POLR3B: variants seen among roughly 807,000 people sequenced by gnomAD.
The protein encoded by POLR3B is DNA-directed RNA polymerase III subunit RPC2.
POLR3B carries 96 observed loss-of-function variants against 147.4 expected under a neutral mutation model. That is an observed-to-expected ratio of 0.65 (90% CI 0.55 to 0.77). The LOEUF (loss-of-function observed/expected upper bound fraction) is 0.77, where lower values mean the gene tolerates loss of function less well. Among genes scored for constraint, POLR3B ranks in the 30% least tolerant of loss-of-function variants. The pLI is 0.00. For missense variants in POLR3B, 1,036 were observed against 1,413.5 expected (o/e 0.73, Z 4.28); for synonymous variants, 461 against 485.9 (o/e 0.95, Z 0.67).
At chr12:106,471,713 G>A (rs1409656324) in intron 23 of POLR3B, among the ~76,000 whole-genome samples, 2 of 152,234 alleles carry the variant, frequency 1.3e-5, no homozygotes, top group East Asian at 3.9e-4. Context: ...GTTAATAGGT[G>A]AATTCACAAT....
intron 25 of POLR3B, among the ~76,000 whole-genome samples, chr12:106,500,383 G>A (rs1214710319): frequency 6.6e-6 from 1 of 152,196 alleles, no homozygotes; most frequent in African/African-American, 2.4e-5. Flanking sequence ...AGTACCAGTT[G>A]TGTGCCAGGC....
intron 10 of POLR3B, among the ~76,000 whole-genome samples, chr12:106,398,137 T>C (rs945622823): frequency 2.6e-4 from 39 of 152,182 alleles, no homozygotes; most frequent in Admixed American, 1.3e-3. Flanking sequence ...CCCACCCTAA[T>C]ACTGCACTTT....
intron 10 of POLR3B, among the ~76,000 whole-genome samples, chr12:106,395,965 G>A (rs1320239547): frequency 6.6e-6 from 1 of 152,082 alleles, no homozygotes; most frequent in Non-Finnish European, 1.5e-5. Flanking sequence ...GTGAGACTCC[G>A]TTTTTTATGC....
chr12:106,390,287 G>A (rs1227464616), intron 9 of POLR3B, among the ~76,000 whole-genome samples: 1 of 137,284 alleles, frequency 7.3e-6, no homozygotes, highest in South Asian at 2.4e-4. Flanking sequence ...TTTTTTTTAA[G>A]TTTCATATTT....
intron 6 of POLR3B, among the ~76,000 whole-genome samples, chr12:106,372,195 A>G (rs532862365): frequency 2.0e-5 from 3 of 152,172 alleles, no homozygotes; most frequent in Non-Finnish European, 4.4e-5. Context: ...AACAGTACAT[A>G]AAAACATTTG....
chr12:106,410,760 T>C, intron 11 of POLR3B, 66 bp from the exon 12 acceptor site: 1 of 1,317,852 alleles, frequency 7.6e-7, no homozygotes, highest in Non-Finnish European at 1.1e-6. Flanking sequence ...ATTGATACTT[T>C]TCTTGAGGTA....
intron 23 of POLR3B, among the ~76,000 whole-genome samples, chr12:106,481,862 A>T (rs1292223141): frequency 6.6e-6 from 1 of 152,234 alleles, no homozygotes; most frequent in African/African-American, 2.4e-5. Context: ...AATTATTTTA[A>T]TAAAAAATGA....
chr12:106,443,043 T>C (rs909747969), intron 18 of POLR3B, among the ~76,000 whole-genome samples: 1 of 152,206 alleles, frequency 6.6e-6, no homozygotes, highest in South Asian at 2.1e-4. Flanking sequence ...AAGCCACCTA[T>C]ATAACCTCAA....
chr12:106,358,354 A>C, intron 1 of POLR3B: 1 of 648,764 alleles, frequency 1.5e-6, no homozygotes, highest in Non-Finnish European at 2.1e-6. Flanking sequence ...GTGGGGGTAA[A>C]ACCAGATCGT....
intron 10 of POLR3B, among the ~76,000 whole-genome samples, chr12:106,403,812 G>T (rs1463275942): frequency 8.6e-6 from 1 of 116,524 alleles, no homozygotes; most frequent in Non-Finnish European, 1.7e-5. Flanking sequence ...GACTGTTGTG[G>T]GGTGGGGGGA....
At chr12:106,389,877 G>A (rs1210457805) in intron 9 of POLR3B, among the ~76,000 whole-genome samples, 6 of 152,098 alleles carry the variant, frequency 3.9e-5, no homozygotes, top group East Asian at 3.9e-4. Context: ...TCTGCACCCC[G>A]GTCTGGGCAA....
chr12:106,454,212 A>G (rs1177720589), intron 19 of POLR3B, among the ~76,000 whole-genome samples: 2 of 152,232 alleles, frequency 1.3e-5, no homozygotes, highest in African/African-American at 2.4e-5. Context: ...GAAATTAACC[A>G]GTGGAAACTA....
intron 19 of POLR3B, 113 bp downstream of exon 19, chr12:106,444,703 G>A (rs2037699477): frequency 8.9e-7 from 1 of 1,118,438 alleles, no homozygotes; most frequent in African/African-American, 1.5e-5. Context: ...CAGGCACTGG[G>A]AACACCTGAG....
At chr12:106,469,269 CT>C (rs374922405) in intron 23 of POLR3B, among the ~76,000 whole-genome samples, 249 of 128,368 alleles carry the variant, frequency 1.9e-3, no homozygotes, top group Non-Finnish European at 2.2e-3. Flanking sequence ...GCAACCCCTG[CT>C]TTTTTTTTTT....
At chr12:106,359,666 A>C (rs1216004477) in intron 1 of POLR3B, among the ~76,000 whole-genome samples, 3 of 152,224 alleles carry the variant, frequency 2.0e-5, no homozygotes, top group Non-Finnish European at 4.4e-5. Flanking sequence ...TGAATATCAA[A>C]GAGCCAGCAT....
intron 21 of POLR3B, among the ~76,000 whole-genome samples, chr12:106,458,263 T>C (rs113783233): frequency 2.2e-3 from 332 of 152,108 alleles, no homozygotes; most frequent in Non-Finnish European, 3.9e-3. Flanking sequence ...CTGGGACCCA[T>C]AGGCACGTGC....
chr12:106,475,248 T>C (rs1163658577), intron 23 of POLR3B, among the ~76,000 whole-genome samples: 1 of 118,434 alleles, frequency 8.4e-6, no homozygotes, highest in Non-Finnish European at 1.7e-5. Flanking sequence ...TTATAATTTC[T>C]GTTCTTTTAC....
chr12:106,373,887 A>G (rs374368252), intron 6 of POLR3B, among the ~76,000 whole-genome samples: 6 of 152,146 alleles, frequency 3.9e-5, no homozygotes, highest in African/African-American at 1.2e-4. Context: ...ACATATATGC[A>G]TATATATTGG....
intron 16 of POLR3B, among the ~76,000 whole-genome samples, chr12:106,434,454 A>G (rs1183002477): frequency 1.3e-5 from 2 of 152,024 alleles, no homozygotes; most frequent in Non-Finnish European, 1.5e-5. Context: ...CAAGAATGAA[A>G]ACATGGAGGC....
Sources: gnomAD v4.1 joint callset for allele counts (sites outside exome capture counted in the v4.1 genomes callset) on GRCh38, gnomAD v4.1.1 for gene constraint, MANE v1.5 for transcripts, NCBI Gene and HGNC (gene_info 2026-07-23, HGNC 2026-07-21) for gene names.